Variants in ANKRD55 observed in about 807,000 individuals in gnomAD.
ANKRD55 encodes ankyrin repeat domain-containing protein 55.
A neutral mutation model predicts 60.6 loss-of-function variants in ANKRD55; 41 were observed. The observed-to-expected ratio is 0.68, with a 90% CI of 0.53 to 0.88. ANKRD55 has a LOEUF of 0.88. ANKRD55 is among the 40% of genes least tolerant of loss of function. ANKRD55 has a pLI of 0.00. For synonymous variants in ANKRD55, 264 were observed against 290.3 expected (o/e 0.91, Z 0.92); for missense variants, 732 against 767.6 (o/e 0.95, Z 0.55).
intron 7 of ANKRD55, chr5:56,127,450 C>T: frequency 1.0e-6 from 1 of 985,160 alleles, no homozygotes; most frequent in Non-Finnish European, 1.2e-6. Context: ...ACAACTTGCT[C>T]ATTAGGTCTG....
In ANKRD55 at chr5:56,133,740, TA is replaced by T. The variant is rs1183991018; in HGVS notation, c.613-6635del. Among the ~76,000 whole-genome samples the T allele has an allele frequency of 3.5e-5, 4 of 113,634 alleles. 1 individual carries two copies. Among genetic ancestry groups the T allele is most frequent in the Admixed American group, 1.7e-4 (2 of 11,592 alleles). The allele number at this position is 113,634 out of a possible 152,430, so 74.5% of individuals were successfully genotyped here. A position where few individuals can be genotyped will look rare whatever the true frequency, so the allele number is the denominator to read the frequency against. On this transcript the variant is annotated intron_variant, in intron 7 of 11. Transcript: ENST00000341048. ...CAAAAGAAGAAATTGCAAGATAAAT[TA>T]AAAAAATACTTTGAACAAAAGGAAG...
At chr5:56,204,949 G>A (rs923044022) in intron 2 of ANKRD55, among the ~76,000 whole-genome samples, 1 of 152,242 alleles carries the variant, frequency 6.6e-6, no homozygotes, top group Non-Finnish European at 1.5e-5. Flanking sequence ...TGGAAAATGA[G>A]GAATTGGTTT....
At chr5:56,133,441 A>AT (rs1757480604) in intron 7 of ANKRD55, among the ~76,000 whole-genome samples, 1 of 112,178 alleles carries the variant, frequency 8.9e-6, no homozygotes, top group Non-Finnish European at 2.1e-5. Context: ...TCCGTCTCAA[A>AT]AAAAAAAAAA....
intron 7 of ANKRD55, among the ~76,000 whole-genome samples, chr5:56,130,570 C>T: frequency 6.6e-6 from 1 of 152,336 alleles, no homozygotes; most frequent in Admixed American, 6.5e-5. Flanking sequence ...TTACCCACTA[C>T]ATCATGTCTG....
chr5:56,116,130 C>G (rs1756878488), intron 9 of ANKRD55, among the ~76,000 whole-genome samples: 2 of 152,202 alleles, frequency 1.3e-5, no homozygotes, highest in South Asian at 4.1e-4. Flanking sequence ...GCTGGGATTA[C>G]AGGCATGAGC....
intron 2 of ANKRD55, among the ~76,000 whole-genome samples, chr5:56,216,253 C>G (rs1759805388): frequency 6.6e-6 from 1 of 152,086 alleles, no homozygotes; most frequent in African/African-American, 2.4e-5. Context: ...ACCGCATCCA[C>G]AGAAGATGGT....
intron 5 of ANKRD55, among the ~76,000 whole-genome samples, chr5:56,164,781 C>T (rs900759632): frequency 1.3e-5 from 2 of 152,172 alleles, no homozygotes; most frequent in Non-Finnish European, 2.9e-5. Flanking sequence ...CTTGGACCTG[C>T]TGAGAAGCAG....
chr5:56,140,906 T>C (rs950759928), intron 7 of ANKRD55, among the ~76,000 whole-genome samples: 4 of 151,866 alleles, frequency 2.6e-5, no homozygotes, highest in Admixed American at 2.0e-4. Context: ...ATACTAAAAA[T>C]ACAAAAATTA....
intron 2 of ANKRD55, among the ~76,000 whole-genome samples, chr5:56,219,339 A>G (rs548570833): frequency 8.9e-4 from 135 of 151,968 alleles, no homozygotes; most frequent in Non-Finnish European, 1.6e-3. Context: ...ATATGCATGT[A>G]TCTTAAGTTC....
intron 2 of ANKRD55, among the ~76,000 whole-genome samples, chr5:56,218,475 C>G (rs912459652): frequency 6.6e-6 from 1 of 152,224 alleles, no homozygotes; most frequent in African/African-American, 2.4e-5. Flanking sequence ...GCAAGACCCT[C>G]TACCAGCAAA....
chr5:56,126,953 A>C lies in ANKRD55; in HGVS notation c.766T>G (p.Cys256Gly), dbSNP rs768864978. 18 of 1,613,240 alleles carry C rather than the reference A, an allele frequency of 1.1e-5. No individual in the cohort carries two copies. In the East Asian group the frequency reaches 4.0e-4, roughly 36 times the overall value. The change falls in exon 8 of 12, where the codon TGT becomes GGT. Residue 256 changes from cysteine (C) to glycine (G), a missense_variant. By Grantham distance (159) the Cys-to-Gly change is radical. Around this residue, in one of 3 missense-constraint regions of ANKRD55, gnomAD observed 597 missense variants for 607.5 expected, o/e 0.98. Coordinates refer to ENST00000341048, the MANE Select transcript of ANKRD55 (RefSeq NM_024669.3). Reference protein sequence around the residue: ...IIHELARVPECNLQALDVDDR... With the variant: ...IIHELARVPEGNLQALDVDDR... ...TCCACATCCAGAGCCTGCAGGTTAC[A>C]CTCAGGGACTCTTGCCAGCTCATGA...
rs1561278131 is a variant in ANKRD55 at position 56,166,375 on chromosome 5, A to G, written c.422+4319T>C. Among the ~76,000 whole-genome samples the G allele has an allele frequency of 2.0e-5, 3 of 151,662 alleles. No homozygotes were observed. The East Asian group carries it at 5.8e-4, about 29-fold the overall frequency. On this transcript the variant is annotated intron_variant, in intron 5 of 11. Transcript: ENST00000341048. ...TGGGCTCAAGCAATCTTCCAGTCTC[A>G]GCCTCCTGAATAGGTAGGACTACAG... is the stretch of plus-strand genomic sequence containing the variant.
At chr5:56,172,798 G>A (rs1312547350) in intron 4 of ANKRD55, among the ~76,000 whole-genome samples, 1 of 152,010 alleles carries the variant, frequency 6.6e-6, no homozygotes, top group Non-Finnish European at 1.5e-5. Context: ...CCTAACCAAC[G>A]TCACACACCT....
Position 56,108,514 on chromosome 5 carries a change from T to TCCAGCA in ANKRD55, c.1630+2603_1630+2604insTGCTGG, listed in dbSNP as rs1580937159. Among the ~76,000 whole-genome samples, 21 of 152,244 alleles carry TCCAGCA rather than the reference T, an allele frequency of 1.4e-4. No homozygotes were observed. In the East Asian group the frequency reaches 4.1e-3, roughly 29 times the overall value. ...AGTGCTTTGTGGAGGAAGCAAAATCTTGACTGGAGTTTTTCTCAGACATCA... is the reference window on the plus strand; with the variant it reads ...AGTGCTTTGTGGAGGAAGCAAAATCTCCAGCATGACTGGAGTTTTTCTCAGACATCA... On this transcript the variant is annotated intron_variant, in intron 10 of 11. Transcript: ENST00000341048.
chr5:56,210,944 C>A (rs930054215), intron 2 of ANKRD55, among the ~76,000 whole-genome samples: 1 of 152,124 alleles, frequency 6.6e-6, no homozygotes, highest in Non-Finnish European at 1.5e-5. Context: ...TATACTCAAT[C>A]ATTATTGACA....
intron 2 of ANKRD55, among the ~76,000 whole-genome samples, chr5:56,219,706 G>T (rs1010667362): frequency 1.3e-5 from 2 of 152,146 alleles, no homozygotes; most frequent in African/African-American, 4.8e-5. Flanking sequence ...AGTGGTCTTA[G>T]CCCCACCCAT....
chr5:56,211,339 GCTCACTGTAT>G (rs1174782398), intron 2 of ANKRD55, among the ~76,000 whole-genome samples: 1 of 152,178 alleles, frequency 6.6e-6, no homozygotes, highest in African/African-American at 2.4e-5. Flanking sequence ...TTAACATAGA[GCTCACTGTAT>G]CTCACTGTAT....
chr5:56,222,600 C>T (rs550014391), intron 2 of ANKRD55, among the ~76,000 whole-genome samples: 34 of 148,900 alleles, frequency 2.3e-4, no homozygotes, highest in African/African-American at 8.5e-4. Context: ...AAGCTAAAAA[C>T]CTTGAAAAAA....
At chr5:56,223,976 A>C (rs1257852516) in intron 2 of ANKRD55, among the ~76,000 whole-genome samples, 1 of 152,198 alleles carries the variant, frequency 6.6e-6, no homozygotes, top group Non-Finnish European at 1.5e-5. Flanking sequence ...TCAGCTCTGC[A>C]CCAAGCGGAC....
Sources: allele counts gnomAD v4.1 joint callset (sites outside exome capture counted in the v4.1 genomes callset), GRCh38; gene constraint gnomAD v4.1.1; regional missense constraint gnomAD v4.1.1; transcripts MANE v1.5; gene names NCBI Gene and HGNC (gene_info 2026-07-23, HGNC 2026-07-21).